Variants in FANCA observed in about 807,000 individuals in gnomAD.
FANCA encodes Fanconi anemia group A protein.
Under a neutral mutation model 194.3 loss-of-function variants are expected in FANCA, and 236 were observed. That is an observed-to-expected ratio of 1.21 (90% CI 1.09 to 1.35). FANCA has a LOEUF of 1.35. FANCA is among the 40% of genes most tolerant of loss of function. The probability of loss-of-function intolerance (pLI) is 0.00; values close to 1 mark genes in which losing one functional copy is unlikely to be tolerated. For missense variants in FANCA, 2,628 were observed against 1,813.9 expected, an observed-to-expected ratio of 1.45 and a Z score of -8.15; for synonymous variants, 1,014 against 715.8, an observed-to-expected ratio of 1.42 and a Z score of -6.65.
intron 3 of FANCA, among the ~76,000 whole-genome samples, chr16:89,813,688 C>G (rs2040991267): frequency 6.6e-6 from 1 of 152,130 alleles, no homozygotes; most frequent in Admixed American, 6.5e-5. Context: ...ACACCTCAGC[C>G]TCCCAAAGTG....
In FANCA at chr16:89,771,729, T is replaced by G. The variant is rs1342083736; in HGVS notation, c.2100A>C (p.Ser700=). 1 of 1,614,196 alleles carries G rather than the reference T, an allele frequency of 6.2e-7. No homozygotes were observed. Among genetic ancestry groups the G allele is most frequent in the East Asian group, 2.2e-5 (1 of 44,892 alleles). The change falls in exon 23 of 43, where the codon TCA becomes TCC. Residue 700 remains serine (S), a synonymous_variant. Coordinates refer to ENST00000389301, the MANE Select transcript of FANCA (RefSeq NM_000135.4). ...HNEDDSSVEI[S]KIQLSINTPR... ...GCGTGTTGATGCTGAGCTGAATCTTTGATATCTCAACGCTGCTGTCATCCT... is the reference window on the plus strand; with the variant it reads ...GCGTGTTGATGCTGAGCTGAATCTTGGATATCTCAACGCTGCTGTCATCCT...
chr16:89,739,364 C>T lies in FANCA; in HGVS notation c.4011-75G>A, dbSNP rs56336895. The T allele has an allele frequency of 4.3e-5, 68 of 1,593,562 alleles. 1 individual carries two copies. Among genetic ancestry groups the T allele is most frequent in the East Asian group, 2.0e-4 (9 of 44,716 alleles). Reference sequence around the variant, plus strand: ...GCAGGTGATGCCAAGGGATACTGCTCATCTGTGGAGCAGAGGCACAGACAA... The same window carrying T: ...GCAGGTGATGCCAAGGGATACTGCTTATCTGTGGAGCAGAGGCACAGACAA... On this transcript the variant is annotated intron_variant, in intron 40 of 42. Transcript: ENST00000389301.
At chr16:89,797,052 C>T (rs1325124619) in intron 10 of FANCA, among the ~76,000 whole-genome samples, 4 of 151,954 alleles carry the variant, frequency 2.6e-5, no homozygotes, top group Admixed American at 1.3e-4. Flanking sequence ...TCCAGCTACT[C>T]GGGAGACTGA....
At chr16:89,753,271 C>G (rs1337658246) in intron 30 of FANCA, among the ~76,000 whole-genome samples, 1 of 152,192 alleles carries the variant, frequency 6.6e-6, no homozygotes, top group Non-Finnish European at 1.5e-5. Context: ...GCCCCTTCTG[C>G]CTTGTATCCA....
In FANCA at chr16:89,738,744, C is replaced by T. The variant is rs1180615604; in HGVS notation, c.4261-36G>A. 1.9e-6 allele frequency: 3 copies of T among 1,612,944 alleles called. No homozygotes were observed. The South Asian group carries it at 3.3e-5, about 18-fold the overall frequency. ...GGAGCAGGTCCTCAGCCCATGCCGC[C>T]CACTAGGCCTCAGACCACAGGGGAG... On this transcript the variant is annotated intron_variant, in intron 42 of 42. Coordinates refer to ENST00000389301, the MANE Select transcript of FANCA (RefSeq NM_000135.4).
Position 89,805,376 on chromosome 16 carries a change from C to A in FANCA, c.613G>T (p.Ala205Ser). The A allele has an allele frequency of 6.2e-7, 1 of 1,613,680 alleles. No individual in the cohort carries two copies. The change falls in exon 7 of 43, where the codon GCT becomes TCT. Residue 205 changes from alanine to serine, a missense_variant. Coordinates refer to ENST00000389301, the MANE Select transcript of FANCA (RefSeq NM_000135.4). ...TTCCTGAAGAGCCACGATCCCACAG[C>A]ATGCATGTCGGGATGGCTGGAGACA... The part of the protein sequence containing the change: ...ELLESHPDMH[A>S]VGSWLFRNLC...
chr16:89,751,578 C>A (rs1310274263), intron 31 of FANCA, among the ~76,000 whole-genome samples: 1 of 152,094 alleles, frequency 6.6e-6, no homozygotes, highest in East Asian at 1.9e-4. Flanking sequence ...AGTTGGGAGG[C>A]CCCAGAGCTG....
In FANCA at chr16:89,792,559, G is replaced by T. The variant is rs2040111258; in HGVS notation, c.1007-12C>A. 6.2e-7 allele frequency: 1 copy of T among 1,612,078 alleles called. No homozygotes were observed. Among genetic ancestry groups the T allele is most frequent in the Non-Finnish European group, 8.5e-7 (1 of 1,179,606 alleles). Reference sequence around the variant, plus strand: ...AACAGCATCAGATGCTGCAGGGGGAGAAACAGACAAAAACTTCAAGTCAGA... The same window carrying T: ...AACAGCATCAGATGCTGCAGGGGGATAAACAGACAAAAACTTCAAGTCAGA... On this transcript the variant is annotated splice_polypyrimidine_tract_variant and intron_variant, in intron 11 of 42. Coordinates refer to ENST00000389301, the MANE Select transcript of FANCA (RefSeq NM_000135.4).
Position 89,742,947 on chromosome 16 carries a change from G to C in FANCA, c.3627-9C>G, listed in dbSNP as rs547300201. On this transcript the variant is annotated splice_polypyrimidine_tract_variant and intron_variant, in intron 36 of 42. Transcript: ENST00000389301. ...CCTCAGGGGAGAGGAAACTGGGACA[G>C]AGAGAACGGGGTCATTGCAGGGCCT... is the stretch of plus-strand genomic sequence containing the variant. 1.9e-6 allele frequency: 3 copies of C among 1,613,544 alleles called. No homozygotes were observed. The highest frequency in any genetic ancestry group is 2.5e-6 in the Non-Finnish European group (3 of 1,179,586).
chr16:89,749,641 C>CA lies in FANCA; in HGVS notation c.3239+88dup, dbSNP rs919240202. Reference sequence around the variant, plus strand: ...ACACAGACAAGTAAGTAACGGGAAACAAACTCACTACAAAGAACCTCTAGG... The same window carrying CA: ...ACACAGACAAGTAAGTAACGGGAAACAAAACTCACTACAAAGAACCTCTAGG... On this transcript the variant is annotated intron_variant, in intron 32 of 42. Transcript: ENST00000389301. 7 of 1,497,764 alleles carry CA rather than the reference C, an allele frequency of 4.7e-6. No individual in the cohort carries two copies. In the African/African-American group the frequency reaches 9.7e-5, roughly 21 times the overall value. The allele number at this position is 1,497,764 out of a possible 1,614,324, so 92.8% of individuals were successfully genotyped here.
At position 89,799,659 on chromosome 16, in the gene FANCA, T is replaced by C. The variant is rs747653371; in HGVS notation, c.793-21A>G. 5 of 1,602,998 alleles carry C rather than the reference T, an allele frequency of 3.1e-6. No individual in the cohort carries two copies. The South Asian group carries it at 5.5e-5, about 18-fold the overall frequency. On this transcript the variant is annotated intron_variant, in intron 8 of 42. Transcript: ENST00000389301. ...GTGACCTGTCAAAATAGAATGTGAG[T>C]TACCATCTTGGTAATCTTCTGTAAT...
chr16:89,745,845 G>T lies in FANCA; in HGVS notation c.3513+739C>A, dbSNP rs185290797. On this transcript the variant is annotated intron_variant, in intron 35 of 42. Transcript: ENST00000389301. Reference sequence around the variant, plus strand: ...GACCACACTGCCCTGAGCTGGGAATGCCTGGTCCTTGGATGCCCTCAGCTG... The same window carrying T: ...GACCACACTGCCCTGAGCTGGGAATTCCTGGTCCTTGGATGCCCTCAGCTG... Among the ~76,000 whole-genome samples, 60 of 152,344 alleles carry T rather than the reference G, an allele frequency of 3.9e-4. No homozygotes were observed. The South Asian group carries it at 7.7e-3, about 19-fold the overall frequency.
intron 30 of FANCA, among the ~76,000 whole-genome samples, chr16:89,752,977 G>C (rs2038648865): frequency 6.6e-6 from 1 of 152,188 alleles, no homozygotes; most frequent in Non-Finnish European, 1.5e-5. Flanking sequence ...CAGTTATCCG[G>C]AGGCCTCACC....
chr16:89,813,024 C>G (rs774582244), intron 3 of FANCA, among the ~76,000 whole-genome samples: 1 of 123,756 alleles, frequency 8.1e-6, no homozygotes, highest in Non-Finnish European at 1.6e-5. Flanking sequence ...CAGAGCAACA[C>G]TTCGTCTCAA....
At chr16:89,751,464 C>A (rs7191937) in intron 31 of FANCA, among the ~76,000 whole-genome samples, 5,299 of 152,098 alleles carry the variant, frequency 0.035, 138 homozygotes, top group Middle Eastern at 0.18. Flanking sequence ...AGAGCAAGAC[C>A]CTGTCCCAAT....
intron 10 of FANCA, 101 bp downstream of exon 10, chr16:89,799,065 C>T (rs372348921): frequency 7.1e-5 from 115 of 1,614,118 alleles, no homozygotes; most frequent in Admixed American, 2.3e-4. Flanking sequence ...TGCTCAGGAG[C>T]GGGCTGCTGA....
Position 89,791,813 on chromosome 16 carries a change from G to A in FANCA, c.1225+114C>T, listed in dbSNP as rs74033875. Reference sequence around the variant, plus strand: ...ATCGACAGGAGGCACTGCAGGTTCCGGGCAGGTAGGGAAGGGCTTCACTGA... The same window carrying A: ...ATCGACAGGAGGCACTGCAGGTTCCAGGCAGGTAGGGAAGGGCTTCACTGA... On this transcript the variant is annotated intron_variant, in intron 13 of 42. Coordinates refer to ENST00000389301, the MANE Select transcript of FANCA (RefSeq NM_000135.4). 1,358 of 1,366,916 alleles carry A rather than the reference G, an allele frequency of 9.9e-4. 11 individuals carry two copies. In the African/African-American group the frequency reaches 0.018, roughly 18 times the overall value. 84.7% of individuals were successfully genotyped at this position (1,366,916 alleles called of 1,614,324 possible).
At chr16:89,743,271 T>C (rs1038424805) in intron 36 of FANCA, among the ~76,000 whole-genome samples, 1 of 152,222 alleles carries the variant, frequency 6.6e-6, no homozygotes, top group Non-Finnish European at 1.5e-5. Context: ...CAGTTGCCCA[T>C]GCCTGGCCCT....
chr16:89,747,267 C>T (rs182306525), intron 33 of FANCA, among the ~76,000 whole-genome samples: 1 of 152,220 alleles, frequency 6.6e-6, no homozygotes, highest in South Asian at 2.1e-4. Flanking sequence ...CAAGTGCTGT[C>T]TATGGTGTTT....
Sources: allele counts gnomAD v4.1 joint callset (sites outside exome capture counted in the v4.1 genomes callset), GRCh38; gene constraint gnomAD v4.1.1; transcripts MANE v1.5; gene names NCBI Gene and HGNC (gene_info 2026-07-23, HGNC 2026-07-21).